Variants in FBXL13 observed in about 807,000 individuals in gnomAD.
The protein encoded by FBXL13 is F-box and leucine-rich repeat protein 13.
Under a neutral mutation model 83.6 loss-of-function variants are expected in FBXL13, and 67 were observed. The ratio of observed to expected loss-of-function variants is 0.80; its 90% CI spans 0.66 to 0.98. The LOEUF (loss-of-function observed/expected upper bound fraction) is 0.98. FBXL13 is among the 50% of genes least tolerant of loss of function. FBXL13 has a pLI of 0.00. For synonymous variants in FBXL13, 272 were observed against 299.5 expected (o/e 0.91, Z 0.95); for missense variants, 822 against 866.5 (o/e 0.95, Z 0.64).
intron 14 of FBXL13, among the ~76,000 whole-genome samples, chr7:102,881,489 T>A (rs113027141): frequency 3.6e-5 from 5 of 137,216 alleles, no homozygotes; most frequent in African/African-American, 1.4e-4. Flanking sequence ...CTGCACGAAA[T>A]GCAAGAATGA....
chr7:102,909,541 A>C (rs1246593991), intron 11 of FBXL13, among the ~76,000 whole-genome samples: 3 of 151,260 alleles, frequency 2.0e-5, no homozygotes, highest in Non-Finnish European at 1.5e-5. Context: ...CAAGGCCCTC[A>C]ATGTAGTAGC....
chr7:102,845,900 C>A (rs1268250677), intron 17 of FBXL13, among the ~76,000 whole-genome samples: 1 of 152,156 alleles, frequency 6.6e-6, no homozygotes, highest in African/African-American at 2.4e-5. Context: ...TCCTACATAC[C>A]TTTATCACAG....
intron 8 of FBXL13, among the ~76,000 whole-genome samples, chr7:102,955,832 G>GGAA (rs1824178424): frequency 6.6e-6 from 1 of 151,946 alleles, no homozygotes; most frequent in Admixed American, 6.6e-5. Flanking sequence ...GACTAAACCA[G>GGAA]GAAGAAGTTG....
At chr7:102,887,733 G>A (rs1436148946) in intron 11 of FBXL13, among the ~76,000 whole-genome samples, 1 of 152,176 alleles carries the variant, frequency 6.6e-6, no homozygotes, top group African/African-American at 2.4e-5. Context: ...TGATTTAAAT[G>A]TTTATCACAT....
At chr7:102,912,682 C>CG (rs1157210727) in intron 11 of FBXL13, among the ~76,000 whole-genome samples, 1 of 132,724 alleles carries the variant, frequency 7.5e-6, no homozygotes, top group Non-Finnish European at 1.7e-5. Flanking sequence ...CCCCCCCCCC[C>CG]CCAAAAAAAA....
intron 1 of FBXL13, among the ~76,000 whole-genome samples, chr7:103,060,061 T>TACACATATATATATATACAC (rs1797750189): frequency 3.4e-5 from 4 of 119,138 alleles, no homozygotes; most frequent in African/African-American, 1.3e-4. Context: ...TATATATATA[T>TACACATATATATATATACAC]ATACTTTTTT....
chr7:102,912,922 CG>C, intron 11 of FBXL13, 163 bp downstream of exon 12: 1 of 863,874 alleles, frequency 1.2e-6, no homozygotes, highest in Non-Finnish European at 1.7e-6. Flanking sequence ...CCTATAATAG[CG>C]ATCCTGGGGA....
chr7:102,907,121 C>T (rs941197740), intron 11 of FBXL13, among the ~76,000 whole-genome samples: 3 of 152,016 alleles, frequency 2.0e-5, no homozygotes, highest in Non-Finnish European at 2.9e-5. Context: ...TACAGGCACC[C>T]ACCACCACGT....
exon 1 of FBXL13, chr7:103,074,449 C>T: frequency 8.9e-7 from 1 of 1,125,414 alleles, no homozygotes; most frequent in Non-Finnish European, 1.1e-6. Flanking sequence ...GCTCATTCCC[C>T]CTGGGAGATG....
chr7:102,823,163 A>G (rs1300873120), intron 18 of FBXL13, among the ~76,000 whole-genome samples: 1 of 152,210 alleles, frequency 6.6e-6, no homozygotes, highest in Non-Finnish European at 1.5e-5. Flanking sequence ...AAAATTTTTT[A>G]GTAATACCTG....
chr7:102,826,552 A>G (rs1799648396), intron 18 of FBXL13, among the ~76,000 whole-genome samples: 1 of 151,076 alleles, frequency 6.6e-6, no homozygotes, highest in African/African-American at 2.4e-5. Context: ...CCTGGGCAAC[A>G]TGGTGAAACC....
At chr7:102,875,624 G>A (rs1395660875) in intron 16 of FBXL13, among the ~76,000 whole-genome samples, 1 of 152,126 alleles carries the variant, frequency 6.6e-6, no homozygotes, top group East Asian at 1.9e-4. Flanking sequence ...AAGAGTCAAC[G>A]GGAAAAGCAG....
intron 11 of FBXL13, among the ~76,000 whole-genome samples, chr7:102,903,939 C>CTTTTCTTTTTTTTTTTTTTTTTTT (rs1321420603): frequency 6.4e-4 from 28 of 43,452 alleles, no homozygotes; most frequent in East Asian, 1.3e-3. Flanking sequence ...CTTTTCTTTT[C>CTTTTCTTTTTTTTTTTTTTTTTTT]TTTTTTTTTT....
intron 1 of FBXL13, among the ~76,000 whole-genome samples, chr7:103,067,283 A>C (rs1798495094): frequency 6.6e-6 from 1 of 152,156 alleles, no homozygotes; most frequent in Non-Finnish European, 1.5e-5. Flanking sequence ...GGTGTTTGTC[A>C]CATCAATAGG....
intron 17 of FBXL13, chr7:102,834,580 G>C (rs1246368187): frequency 6.6e-6 from 1 of 151,458 alleles, no homozygotes; most frequent in African/African-American, 2.4e-5. Flanking sequence ...TTGGCACATA[G>C]TAAGCACCCC....
intron 2 of FBXL13, 65 bp downstream of exon 3, chr7:103,055,023 C>G: frequency 9.6e-7 from 1 of 1,038,440 alleles, no homozygotes; most frequent in Non-Finnish European, 1.3e-6. Context: ...AATATAAAAT[C>G]TACTTGGAAA....
At chr7:102,944,617 T>TA in intron 8 of FBXL13, 1 of 1,571,300 alleles carries the variant, frequency 6.4e-7, no homozygotes. Context: ...AGGTAGAAAT[T>TA]GTTCTGATTG....
intron 5 of FBXL13, among the ~76,000 whole-genome samples, chr7:103,027,157 G>T (rs1199062742): frequency 6.6e-6 from 1 of 152,018 alleles, no homozygotes; most frequent in African/African-American, 2.4e-5. Flanking sequence ...TTAGCTGGGT[G>T]TGGTGGCAGA....
chr7:102,832,173 C>T (rs1800822689), intron 18 of FBXL13, among the ~76,000 whole-genome samples: 1 of 152,144 alleles, frequency 6.6e-6, no homozygotes, highest in African/African-American at 2.4e-5. Flanking sequence ...CCAAATTTTT[C>T]ATAATGAGTA....
Sources: allele counts gnomAD v4.1 joint callset (sites outside exome capture counted in the v4.1 genomes callset), GRCh38; gene constraint gnomAD v4.1.1; transcripts MANE v1.5; gene names NCBI Gene and HGNC (gene_info 2026-07-23, HGNC 2026-07-21).